Variants in SEMA4D observed in about 807,000 individuals in gnomAD.
The protein encoded by SEMA4D is semaphorin 4D, also known as semaphorin-4D.
Under a neutral mutation model 74.8 loss-of-function variants are expected in SEMA4D, and 22 were observed. The ratio of observed to expected loss-of-function variants is 0.29; its 90% CI spans 0.21 to 0.42. The LOEUF (loss-of-function observed/expected upper bound fraction) is 0.42. Ranked by LOEUF, SEMA4D falls within the 10% of genes least tolerant of loss-of-function variation. The pLI, the probability that SEMA4D is intolerant of heterozygous loss-of-function variation, is 1.00. For missense variants in SEMA4D, 937 were observed against 1,118.4 expected, an observed-to-expected ratio of 0.84 and a Z score of 2.31; for synonymous variants, 445 against 463.7, an observed-to-expected ratio of 0.96 and a Z score of 0.52.
At chr9:89,385,680 G>A in intron 13 of SEMA4D, 3 of 631,170 alleles carry the variant, frequency 4.8e-6, no homozygotes, top group Non-Finnish European at 5.9e-6. Context: ...GACCTGGAGG[G>A]GTGTTTGCAA....
chr9:89,386,512 A>T, intron 12 of SEMA4D, 30 bp from the exon 13 acceptor site: 1 of 1,488,794 alleles, frequency 6.7e-7, no homozygotes, highest in Non-Finnish European at 9.4e-7. Context: ...GGTCAGTGAC[A>T]CTAACCCAGA....
intron 16 of SEMA4D, among the ~76,000 whole-genome samples, chr9:89,366,090 T>C (rs1833618698): frequency 6.6e-6 from 1 of 152,068 alleles, no homozygotes; most frequent in Admixed American, 6.5e-5. Context: ...AGTTGGGAAA[T>C]GTCCAAGAAG....
At chr9:89,440,150 G>A (rs563950253) in intron 2 of SEMA4D, among the ~76,000 whole-genome samples, 86 of 152,102 alleles carry the variant, frequency 5.7e-4, no homozygotes, top group Non-Finnish European at 9.1e-4. Context: ...CACGCAGGCT[G>A]TGGCATCTCC....
At chr9:89,364,171 T>A in intron 16 of SEMA4D, 2 of 886,698 alleles carry the variant, frequency 2.3e-6, no homozygotes, top group Non-Finnish European at 3.3e-6. Flanking sequence ...TCTTTGACCT[T>A]AATTGCCATT....
rs770505703 is a variant in SEMA4D at position 89,379,011 on chromosome 9, G to C, written c.2282C>G (p.Pro761Arg). Residue 761 changes from proline to arginine, a missense_variant, in exon 16 of 16, where the codon CCC (proline) becomes CGC (arginine). Coordinates refer to ENST00000422704, the MANE Select transcript of SEMA4D (RefSeq NM_001371194.2). ...CGAGCGGAATTTCAAGCACTGTCTG[G>C]GCAGGTATCCCTTATAGCAGTTGTA... is the stretch of plus-strand genomic sequence containing the variant. ...FFYNCYKGYL[P>R]RQCLKFRSAL... 1.9e-6 allele frequency: 3 copies of C among 1,612,372 alleles called. No homozygotes were observed. The highest frequency in any genetic ancestry group is 2.5e-6 in the Non-Finnish European group (3 of 1,179,086).
chr9:89,402,126 T>TC (rs1185568469), intron 4 of SEMA4D, among the ~76,000 whole-genome samples: 2 of 152,158 alleles, frequency 1.3e-5, no homozygotes, highest in Non-Finnish European at 2.9e-5. Flanking sequence ...GGCAAGAGGA[T>TC]CACTTGAGCC....
At chr9:89,417,735 G>A (rs1293795852) in intron 2 of SEMA4D, among the ~76,000 whole-genome samples, 1 of 152,216 alleles carries the variant, frequency 6.6e-6, no homozygotes, top group Admixed American at 6.5e-5. Flanking sequence ...TTCTGGTGCA[G>A]GCACCAGGGG....
At chr9:89,468,262 A>T (rs17054918) in intron 1 of SEMA4D, among the ~76,000 whole-genome samples, 2 of 152,192 alleles carry the variant, frequency 1.3e-5, no homozygotes, top group African/African-American at 4.8e-5. Flanking sequence ...AGCATGACAC[A>T]GATTTTTTAA....
chr9:89,439,738 A>G (rs925492450), intron 2 of SEMA4D, among the ~76,000 whole-genome samples: 4 of 152,186 alleles, frequency 2.6e-5, no homozygotes, highest in Non-Finnish European at 5.9e-5. Flanking sequence ...TGACAGGTCA[A>G]TCTGATTTAC....
chr9:89,447,563 A>G (rs554040078), intron 2 of SEMA4D, among the ~76,000 whole-genome samples: 2 of 152,170 alleles, frequency 1.3e-5, no homozygotes, highest in South Asian at 4.2e-4. Flanking sequence ...TCCACCTTCA[A>G]ATAAGCGCTG....
chr9:89,449,802 G>A, intron 2 of SEMA4D: 1 of 1,490,886 alleles, frequency 6.7e-7, no homozygotes, highest in Non-Finnish European at 9.3e-7. Context: ...CAGCATTTTG[G>A]TAAATAACTG....
downstream of SEMA4D, among the ~76,000 whole-genome samples, chr9:89,374,923 T>C (rs1447230181): frequency 6.6e-6 from 1 of 152,054 alleles, no homozygotes; most frequent in Non-Finnish European, 1.5e-5. Flanking sequence ...CATGGTGAGG[T>C]GTGCCTGTAA....
chr9:89,468,351 A>C (rs1859290067), intron 1 of SEMA4D, among the ~76,000 whole-genome samples: 1 of 152,224 alleles, frequency 6.6e-6, no homozygotes, highest in South Asian at 2.1e-4. Flanking sequence ...AAGATGCTAC[A>C]ATATCAGGGT....
intron 2 of SEMA4D, chr9:89,418,393 C>G (rs1460798260): frequency 1.5e-5 from 15 of 985,306 alleles, no homozygotes; most frequent in Non-Finnish European, 1.8e-5. Context: ...CAGGACCCGA[C>G]CAGGTGTACT....
intron 6 of SEMA4D, among the ~76,000 whole-genome samples, chr9:89,395,660 T>C (rs992488679): frequency 3.3e-5 from 5 of 152,086 alleles, no homozygotes; most frequent in African/African-American, 1.2e-4. Context: ...GGTCTTACTA[T>C]CCCCAAAGCA....
chr9:89,470,181 T>G (rs1326177346), intron 1 of SEMA4D, among the ~76,000 whole-genome samples: 1 of 152,172 alleles, frequency 6.6e-6, no homozygotes. Context: ...AAGATGCTGT[T>G]AAAAGAATTA....
Position 89,378,381 on chromosome 9 carries a change from C to A in SEMA4D, c.*323G>T. 3.7e-6 allele frequency: 1 copy of A among 272,644 alleles called. No individual in the cohort carries two copies. Among genetic ancestry groups the A allele is most frequent in the Non-Finnish European group, 7.0e-6 (1 of 143,002 alleles). The allele number at this position is 272,644 out of a possible 1,614,324, so 16.9% of individuals were successfully genotyped here. On this transcript the variant is annotated 3_prime_UTR_variant, in exon 16 of 16. Coordinates refer to ENST00000422704, the MANE Select transcript of SEMA4D (RefSeq NM_001371194.2). ...AAGCTGAAGGGATGCTCTTCTCAGCCAACAGAGGTCCAGCCACCTTTCCCC... is the reference window on the plus strand; with the variant it reads ...AAGCTGAAGGGATGCTCTTCTCAGCAAACAGAGGTCCAGCCACCTTTCCCC...
chr9:89,400,310 A>C (rs796820986), intron 4 of SEMA4D, among the ~76,000 whole-genome samples: 6 of 152,374 alleles, frequency 3.9e-5, no homozygotes, highest in East Asian at 1.9e-4. Flanking sequence ...ATAAGACAAA[A>C]GGGAAGGTTT....
At chr9:89,428,937 C>A (rs549469902) in intron 2 of SEMA4D, among the ~76,000 whole-genome samples, 7 of 152,266 alleles carry the variant, frequency 4.6e-5, no homozygotes, top group Non-Finnish European at 2.9e-5. Context: ...AACCACACCA[C>A]TGCAGGCTCC....
Sources: gnomAD v4.1 joint callset for allele counts (sites outside exome capture counted in the v4.1 genomes callset) on GRCh38, gnomAD v4.1.1 for gene constraint, MANE v1.5 for transcripts, NCBI Gene and HGNC (gene_info 2026-07-23, HGNC 2026-07-21) for gene names.